The following IRF2 variants were observed in gnomAD, a reference collection of about 807,000 sequenced individuals.
The protein encoded by IRF2 is interferon regulatory factor 2.
A neutral mutation model predicts 40.6 loss-of-function variants in IRF2; 15 were observed. The observed-to-expected ratio is 0.37, with a 90% CI of 0.25 to 0.57. The LOEUF (loss-of-function observed/expected upper bound fraction) is 0.57, where lower values mean the gene tolerates loss of function less well. Ranked by LOEUF, IRF2 falls within the 20% of genes least tolerant of loss-of-function variation. The pLI, the probability that IRF2 is intolerant of heterozygous loss-of-function variation, is 0.77. For missense variants in IRF2, 317 were observed against 455.7 expected (o/e 0.70, Z 2.77); for synonymous variants, 151 against 165.5 (o/e 0.91, Z 0.67).
At chr4:184,468,748 C>T (rs1446849245) in intron 1 of IRF2, among the ~76,000 whole-genome samples, 1 of 152,048 alleles carries the variant, frequency 6.6e-6, no homozygotes, top group African/African-American at 2.4e-5. Context: ...AGCAGGGATC[C>T]AATGGTGAAT....
chr4:184,421,585 C>G (rs1109757), intron 2 of IRF2, among the ~76,000 whole-genome samples: 1 of 152,072 alleles, frequency 6.6e-6, no homozygotes, highest in Non-Finnish European at 1.5e-5. Context: ...GCTTAAACAC[C>G]GAGATTCTTA....
intron 1 of IRF2, among the ~76,000 whole-genome samples, chr4:184,441,789 C>T (rs767785277): frequency 6.6e-6 from 1 of 152,190 alleles, no homozygotes; most frequent in Non-Finnish European, 1.5e-5. Context: ...TTCACAGCAT[C>T]CCAAGAACGT....
intron 1 of IRF2, among the ~76,000 whole-genome samples, chr4:184,469,594 G>A (rs773362480): frequency 6.6e-6 from 1 of 152,222 alleles, no homozygotes; most frequent in Non-Finnish European, 1.5e-5. Context: ...AGGATCACTT[G>A]TGCCCAGGAG....
intron 1 of IRF2, among the ~76,000 whole-genome samples, chr4:184,442,731 T>C (rs1022112103): frequency 1.3e-5 from 2 of 151,878 alleles, no homozygotes; most frequent in Non-Finnish European, 2.9e-5. Context: ...ACTCTAAAAA[T>C]GACCTCATTT....
chr4:184,448,485 C>T lies in IRF2; in HGVS notation c.-6-19415G>A, dbSNP rs183231997. Among the ~76,000 whole-genome samples, 400 of 152,202 alleles carry T rather than the reference C, an allele frequency of 2.6e-3. 2 individuals are homozygous for T. The highest frequency in any genetic ancestry group is 9.0e-3 in the African/African-American group (374 of 41,532). On this transcript the variant is annotated intron_variant, in intron 1 of 8. Coordinates refer to ENST00000393593, the MANE Select transcript of IRF2 (RefSeq NM_002199.4). The surrounding 1 kb of genome is among the most constrained non-coding windows in gnomAD (Gnocchi z 4.3). ...GTTGTGTAGAAGAGGAGAAATAAGA[C>T]GGCCAAAGAGCTCTCGTGCGTATTT...
chr4:184,406,192 G>A (rs1027669897), intron 6 of IRF2, among the ~76,000 whole-genome samples: 21 of 151,930 alleles, frequency 1.4e-4, no homozygotes, highest in African/African-American at 5.1e-4. Flanking sequence ...CTAAGAGGTG[G>A]TGCCTTCCAT....
chr4:184,396,591 C>T (rs1736473335), intron 7 of IRF2, among the ~76,000 whole-genome samples: 1 of 151,840 alleles, frequency 6.6e-6, no homozygotes, highest in Non-Finnish European at 1.5e-5. Context: ...CATGCCACCA[C>T]ACCCGGTTAA....
intron 1 of IRF2, among the ~76,000 whole-genome samples, chr4:184,439,905 A>T (rs1271660557): frequency 6.6e-6 from 1 of 152,146 alleles, no homozygotes; most frequent in Admixed American, 6.5e-5. Flanking sequence ...CCCAGTGGTC[A>T]CTCTAGAAAA....
At chr4:184,435,151 TA>T (rs1437413438) in intron 1 of IRF2, among the ~76,000 whole-genome samples, 1 of 152,234 alleles carries the variant, frequency 6.6e-6, no homozygotes, top group Non-Finnish European at 1.5e-5. Flanking sequence ...TACCTGCTAG[TA>T]AGTGGAGAGC....
chr4:184,454,381 C>T (rs757401865), intron 1 of IRF2, among the ~76,000 whole-genome samples: 7 of 152,286 alleles, frequency 4.6e-5, no homozygotes, highest in East Asian at 1.9e-4. Context: ...CTACAGTTTC[C>T]GCTAGTTTGA....
chr4:184,418,644 G>A lies in IRF2; in HGVS notation c.252C>T (p.Ala84=). 1 of 1,614,062 alleles carries A rather than the reference G, an allele frequency of 6.2e-7. No homozygotes were observed. The change falls in exon 4 of 9, where the codon GCC becomes GCT. Residue 84 remains alanine, a synonymous_variant. Transcript: ENST00000393593. The part of the protein sequence containing the change: ...PKTWKANFRC[A]MNSLPDIEEV... ...CTTCAATATCAGGCAAGGAATTCAT[G>A]GCGCATCTGAAATTCGCCTTCCATG...
chr4:184,445,873 T>C (rs948122369), intron 1 of IRF2, among the ~76,000 whole-genome samples: 29 of 152,146 alleles, frequency 1.9e-4, no homozygotes, highest in East Asian at 3.8e-4. Flanking sequence ...TGTGACCTTT[T>C]CTGCATATGG....
chr4:184,389,396 C>A (rs1267217360), intron 8 of IRF2, among the ~76,000 whole-genome samples: 1 of 152,096 alleles, frequency 6.6e-6, no homozygotes, highest in Non-Finnish European at 1.5e-5. Context: ...CCAGCCAGGG[C>A]AACAGAATGA....
At chr4:184,399,201 T>A in intron 6 of IRF2, 122 bp from the exon 7 acceptor site, 1 of 993,230 alleles carries the variant, frequency 1.0e-6, no homozygotes, top group East Asian at 2.7e-5. Flanking sequence ...ATCTGTCCCC[T>A]GCCATGGGGC....
intron 3 of IRF2, 101 bp downstream of exon 3, chr4:184,419,368 G>T: frequency 1.2e-6 from 1 of 811,404 alleles, no homozygotes; most frequent in Non-Finnish European, 2.1e-6. Context: ...GTTTTTCAGA[G>T]CCATCTTCAT....
At chr4:184,467,660 G>C (rs139091749) in intron 1 of IRF2, among the ~76,000 whole-genome samples, 108 of 152,336 alleles carry the variant, frequency 7.1e-4, no homozygotes, top group Middle Eastern at 3.4e-3. Flanking sequence ...TCTGTCTACA[G>C]AGTACTTCTT....
intron 2 of IRF2, among the ~76,000 whole-genome samples, chr4:184,428,032 AG>A (rs1204781767): frequency 6.6e-6 from 1 of 152,206 alleles, no homozygotes; most frequent in Non-Finnish European, 1.5e-5. Context: ...TAGTTCTAGA[AG>A]TTTTTCATTT....
intron 8 of IRF2, among the ~76,000 whole-genome samples, chr4:184,390,194 G>A (rs1736204785): frequency 6.6e-6 from 1 of 152,118 alleles, no homozygotes; most frequent in Non-Finnish European, 1.5e-5. Context: ...TTCTGCCATT[G>A]TGCACGCCCC....
rs114584213 is a variant in IRF2, at chr4:184,470,037, C to T, written c.-7+4342G>A. Among the ~76,000 whole-genome samples, 1,263 of 152,282 alleles carry T rather than the reference C, an allele frequency of 8.3e-3. 19 individuals are homozygous for T. The highest frequency in any genetic ancestry group is 0.029 in the African/African-American group (1,198 of 41,540). ...CCACTTTTCCATCAGTCACTCCCGC[C>T]ACCAGAGCCACTCCTCAATTCAGCA... On this transcript the variant is annotated intron_variant, in intron 1 of 8. Coordinates refer to ENST00000393593, the MANE Select transcript of IRF2 (RefSeq NM_002199.4).
Sources: gnomAD v4.1 joint callset for allele counts (sites outside exome capture counted in the v4.1 genomes callset) on GRCh38, gnomAD v4.1.1 for gene constraint, Gnocchi (gnomAD v3.1) non-coding constraint, MANE v1.5 for transcripts, NCBI Gene and HGNC (gene_info 2026-07-23, HGNC 2026-07-21) for gene names.